WASF1: variants seen among roughly 807,000 people sequenced by gnomAD.
The protein encoded by WASF1 is actin-binding protein WASF1.
In WASF1, 7 loss-of-function variants were observed where a neutral mutation model predicts 50.5. The observed-to-expected ratio is 0.14, with a 90% CI of 0.08 to 0.26. The LOEUF (loss-of-function observed/expected upper bound fraction) is 0.26. WASF1 is among the 10% of genes least tolerant of loss of function. The pLI, the probability that WASF1 is intolerant of heterozygous loss-of-function variation, is 1.00. For synonymous variants in WASF1, 205 were observed against 244.0 expected (o/e 0.84, Z 1.49); for missense variants, 470 against 694.7 (o/e 0.68, Z 3.64).
At chr6:110,152,295 A>G (rs1042056346) in intron 3 of WASF1, among the ~76,000 whole-genome samples, 4 of 152,136 alleles carry the variant, frequency 2.6e-5, no homozygotes, top group Non-Finnish European at 5.9e-5. Flanking sequence ...AGGAGCTAGA[A>G]ACCTTTTTCT....
At chr6:110,105,027 T>C (rs995761904) in intron 8 of WASF1, among the ~76,000 whole-genome samples, 1 of 152,124 alleles carries the variant, frequency 6.6e-6, no homozygotes, top group Non-Finnish European at 1.5e-5. Flanking sequence ...ACAGAACCCC[T>C]TCTTCACTCC....
intron 10 of WASF1, among the ~76,000 whole-genome samples, chr6:110,101,044 T>C (rs1773060208): frequency 6.6e-6 from 1 of 152,202 alleles, no homozygotes; most frequent in African/African-American, 2.4e-5. Flanking sequence ...TCATTATCCA[T>C]TGTATTTGAG....
At chr6:110,101,304 T>G (rs750541675) in intron 10 of WASF1, among the ~76,000 whole-genome samples, 2 of 152,202 alleles carry the variant, frequency 1.3e-5, no homozygotes, top group African/African-American at 4.8e-5. Flanking sequence ...GGGTTTTAAT[T>G]AAATGTTCTA....
chr6:110,116,320 T>C (rs1773803095), intron 4 of WASF1, among the ~76,000 whole-genome samples: 1 of 152,034 alleles, frequency 6.6e-6, no homozygotes, highest in Non-Finnish European at 1.5e-5. Flanking sequence ...AACAGTACAC[T>C]CCTGATCAAA....
intron 2 of WASF1, among the ~76,000 whole-genome samples, chr6:110,174,098 T>C (rs1407845956): frequency 6.6e-6 from 1 of 152,130 alleles, no homozygotes; most frequent in East Asian, 1.9e-4. Flanking sequence ...TGGCTTCTGT[T>C]TACCTCTGCA....
chr6:110,133,021 AAAT>A (rs1282173487), intron 3 of WASF1, among the ~76,000 whole-genome samples: 1 of 151,404 alleles, frequency 6.6e-6, no homozygotes, highest in Non-Finnish European at 1.5e-5. Context: ...AAAAGAATGA[AAAT>A]AATGACATTC....
At chr6:110,172,513 A>T (rs1177687911) in intron 2 of WASF1, among the ~76,000 whole-genome samples, 1 of 152,160 alleles carries the variant, frequency 6.6e-6, no homozygotes, top group Non-Finnish European at 1.5e-5. Context: ...CCACTATTCA[A>T]AATAGCAAAG....
intron 2 of WASF1, among the ~76,000 whole-genome samples, chr6:110,171,530 T>C (rs1192693524): frequency 6.6e-6 from 1 of 152,076 alleles, no homozygotes; most frequent in African/African-American, 2.4e-5. Flanking sequence ...GAAAATATCA[T>C]GAAGTCTGTA....
At chr6:110,138,252 G>T (rs896634877) in intron 3 of WASF1, among the ~76,000 whole-genome samples, 1 of 152,218 alleles carries the variant, frequency 6.6e-6, no homozygotes, top group Non-Finnish European at 1.5e-5. Context: ...CAGGAACCAG[G>T]GAACACTGTG....
At chr6:110,169,180 T>A (rs1776592120) in intron 2 of WASF1, among the ~76,000 whole-genome samples, 1 of 152,124 alleles carries the variant, frequency 6.6e-6, no homozygotes, top group Non-Finnish European at 1.5e-5. Context: ...TCTTTAACCA[T>A]CAATTCTAAA....
rs568164642 is a variant in WASF1, at chr6:110,131,947, C to T, written c.-28-4318G>A. ...ACATAACACATACACCCACCTCTAC[C>T]TGTTGGGAATTAGACTGGAACTGTT... On this transcript the variant is annotated intron_variant, in intron 3 of 10. Coordinates refer to ENST00000392589, the MANE Select transcript of WASF1 (RefSeq NM_003931.3). 2.0e-5 allele frequency among the ~76,000 whole-genome samples: 3 copies of T among 152,308 alleles called. No individual in the cohort carries two copies. The South Asian group carries it at 6.2e-4, about 32-fold the overall frequency.
chr6:110,127,414 C>T lies in WASF1; in HGVS notation c.133+55G>A, dbSNP rs149155788. ...TAATCAGAAGCACAACTTCTTAATACGCTAAAGCATAACATTCTGGTTTGT... is the reference window on the plus strand; with the variant it reads ...TAATCAGAAGCACAACTTCTTAATATGCTAAAGCATAACATTCTGGTTTGT... On this transcript the variant is annotated intron_variant, in intron 4 of 10. Coordinates refer to ENST00000392589, the MANE Select transcript of WASF1 (RefSeq NM_003931.3). 9.1e-3 allele frequency: 13,201 copies of T among 1,448,580 alleles called. 83 individuals are homozygous for T. The highest frequency in any genetic ancestry group is 0.011 in the Non-Finnish European group (11,759 of 1,086,012). The allele number at this position is 1,448,580 out of a possible 1,614,324, so 89.7% of individuals were successfully genotyped here.
intron 4 of WASF1, among the ~76,000 whole-genome samples, chr6:110,115,874 A>T (rs1033744591): frequency 6.6e-6 from 1 of 152,234 alleles, no homozygotes; most frequent in Non-Finnish European, 1.5e-5. Context: ...AGTCAAGGAA[A>T]TAATGAAATA....
At chr6:110,160,118 A>T (rs1041763514) in intron 3 of WASF1, among the ~76,000 whole-genome samples, 2 of 151,934 alleles carry the variant, frequency 1.3e-5, no homozygotes, top group Admixed American at 1.3e-4. Context: ...AAATTATATT[A>T]AAAATGTTAG....
Position 110,113,466 on chromosome 6 carries a change from C to G in WASF1, c.134-6G>C, listed in dbSNP as rs1257129062. 6.3e-7 allele frequency: 1 copy of G among 1,579,526 alleles called. No individual in the cohort carries two copies. The highest frequency in any genetic ancestry group is 1.9e-5 in the Admixed American group (1 of 52,896). On this transcript the variant is annotated splice_region_variant and splice_polypyrimidine_tract_variant and intron_variant, in intron 4 of 10. Coordinates refer to ENST00000392589, the MANE Select transcript of WASF1 (RefSeq NM_003931.3). ...TATATCTTCAGCATATTTACCTAAG[C>G]AAAAATGACACATATATCATAAAAT...
At chr6:110,111,343 C>A (rs548446101) in intron 5 of WASF1, among the ~76,000 whole-genome samples, 1 of 151,800 alleles carries the variant, frequency 6.6e-6, no homozygotes, top group East Asian at 1.9e-4. Context: ...TGTATTGATA[C>A]ATGCACATGT....
intron 3 of WASF1, among the ~76,000 whole-genome samples, chr6:110,133,088 A>C (rs1157067821): frequency 6.6e-6 from 1 of 151,792 alleles, no homozygotes; most frequent in Non-Finnish European, 1.5e-5. Flanking sequence ...TAACTCCAGA[A>C]TGAAAAACCA....
intron 3 of WASF1, among the ~76,000 whole-genome samples, chr6:110,158,561 TCCC>T (rs1776124247): frequency 7.6e-6 from 1 of 130,922 alleles, no homozygotes; most frequent in African/African-American, 3.3e-5. Flanking sequence ...TCTTGGCTCT[TCCC>T]CTAAAGTGCC....
At chr6:110,139,072 T>TG (rs1775099583) in intron 3 of WASF1, among the ~76,000 whole-genome samples, 1 of 152,198 alleles carries the variant, frequency 6.6e-6, no homozygotes, top group South Asian at 2.1e-4. Context: ...ACCCAAAGTC[T>TG]GGAGGGGGTC....
Sources: gnomAD v4.1 joint callset for allele counts (sites outside exome capture counted in the v4.1 genomes callset) on GRCh38, gnomAD v4.1.1 for gene constraint, MANE v1.5 for transcripts, NCBI Gene and HGNC (gene_info 2026-07-23, HGNC 2026-07-21) for gene names.